The following CALCRL variants were observed in gnomAD, a reference collection of about 807,000 sequenced individuals.
CALCRL encodes the protein calcitonin receptor like receptor.
In CALCRL, 27 loss-of-function variants were observed where a neutral mutation model predicts 60.4. The observed-to-expected ratio is 0.45, with a 90% confidence interval of 0.33 to 0.62. The LOEUF (loss-of-function observed/expected upper bound fraction) is 0.62, where lower values mean the gene tolerates loss of function less well. Among genes scored for constraint, CALCRL ranks in the 20% least tolerant of loss-of-function variants. CALCRL has a pLI of 0.03. For missense variants in CALCRL, 424 were observed against 540.7 expected, an observed-to-expected ratio of 0.78 and a Z score of 2.14; for synonymous variants, 190 against 182.6, an observed-to-expected ratio of 1.04 and a Z score of -0.33.
chr2:187,365,848 G>A (rs1687253027), intron 8 of CALCRL, among the ~76,000 whole-genome samples: 1 of 152,194 alleles, frequency 6.6e-6, no homozygotes, highest in Non-Finnish European at 1.5e-5. Flanking sequence ...CTTTAAGTAA[G>A]TTGATTGCAT....
chr2:187,378,661 A>G (rs1675215103), intron 8 of CALCRL, among the ~76,000 whole-genome samples: 4 of 152,136 alleles, frequency 2.6e-5, no homozygotes, highest in Admixed American at 2.0e-4. Context: ...ACAGTTCCCA[A>G]AGCAAATACA....
chr2:187,373,031 A>G (rs1687599082), intron 8 of CALCRL, among the ~76,000 whole-genome samples: 1 of 152,182 alleles, frequency 6.6e-6, no homozygotes, highest in Non-Finnish European at 1.5e-5. Flanking sequence ...ATGGAGACAA[A>G]TAAGGCCAGA....
At chr2:187,433,196 T>A (rs767173994) in intron 1 of CALCRL, among the ~76,000 whole-genome samples, 4 of 152,078 alleles carry the variant, frequency 2.6e-5, no homozygotes, top group Non-Finnish European at 4.4e-5. Context: ...TGAAGTTTAT[T>A]TTGAGTATTT....
chr2:187,389,069 CTT>C (rs35822000), intron 1 of CALCRL, among the ~76,000 whole-genome samples: 9 of 140,132 alleles, frequency 6.4e-5, no homozygotes, highest in Non-Finnish European at 7.7e-5. Flanking sequence ...ACTTCTTCTT[CTT>C]TTTTTTTTTT....
At chr2:187,439,899 A>C (rs1690813904) in intron 1 of CALCRL, among the ~76,000 whole-genome samples, 1 of 152,218 alleles carries the variant, frequency 6.6e-6, no homozygotes, top group Non-Finnish European at 1.5e-5. Flanking sequence ...AGAGACATTT[A>C]AAGCTGGAAT....
chr2:187,416,561 A>G (rs1689619193), intron 1 of CALCRL, among the ~76,000 whole-genome samples: 1 of 152,134 alleles, frequency 6.6e-6, no homozygotes, highest in South Asian at 2.1e-4. Flanking sequence ...AAGACATTAA[A>G]AGGCCTTGTA....
intron 12 of CALCRL, among the ~76,000 whole-genome samples, chr2:187,357,983 C>G (rs1282330227): frequency 6.6e-6 from 1 of 151,982 alleles, no homozygotes; most frequent in African/African-American, 2.4e-5. Flanking sequence ...TAAAATACCA[C>G]TCCTAAGGAC....
intron 12 of CALCRL, among the ~76,000 whole-genome samples, chr2:187,357,371 G>T (rs1686841635): frequency 6.6e-6 from 1 of 151,700 alleles, no homozygotes; most frequent in African/African-American, 2.4e-5. Context: ...GATGAAGCTA[G>T]AAATGATCAT....
At chr2:187,382,269 T>G (rs1420995755) in intron 5 of CALCRL, among the ~76,000 whole-genome samples, 2 of 152,278 alleles carry the variant, frequency 1.3e-5, no homozygotes, top group South Asian at 2.1e-4. Context: ...TAGCTCTTTA[T>G]TGCAAGACTT....
At chr2:187,375,132 C>T (rs1401784084) in intron 8 of CALCRL, among the ~76,000 whole-genome samples, 1 of 151,224 alleles carries the variant, frequency 6.6e-6, no homozygotes, top group African/African-American at 2.4e-5. Flanking sequence ...ATTAGCCGGG[C>T]GCGGTGGCGG....
chr2:187,381,747 C>T (rs1014448060), intron 5 of CALCRL, among the ~76,000 whole-genome samples: 3 of 152,166 alleles, frequency 2.0e-5, no homozygotes, highest in African/African-American at 7.2e-5. Context: ...AGCCACCACA[C>T]CCGGCCCAAA....
intron 8 of CALCRL, among the ~76,000 whole-genome samples, chr2:187,376,775 G>A (rs1687773253): frequency 6.6e-6 from 1 of 152,054 alleles, no homozygotes; most frequent in African/African-American, 2.4e-5. Flanking sequence ...CACTGGTTTT[G>A]ACAGGCAAAT....
intron 8 of CALCRL, among the ~76,000 whole-genome samples, chr2:187,376,335 A>G (rs1200358280): frequency 6.6e-6 from 1 of 151,902 alleles, no homozygotes; most frequent in African/African-American, 2.4e-5. Flanking sequence ...GAAATCATAC[A>G]TTGTGCCTTA....
intron 1 of CALCRL, among the ~76,000 whole-genome samples, chr2:187,436,912 T>C (rs1690668891): frequency 6.6e-6 from 1 of 152,224 alleles, no homozygotes; most frequent in South Asian, 2.1e-4. Flanking sequence ...TCTCTTACTT[T>C]CAAATTTCAA....
At chr2:187,407,171 T>C (rs1689175260) in intron 1 of CALCRL, among the ~76,000 whole-genome samples, 3 of 152,084 alleles carry the variant, frequency 2.0e-5, no homozygotes, top group Admixed American at 1.3e-4. Flanking sequence ...TTTTTAATCA[T>C]TGGGATTCCC....
At chr2:187,435,519 T>C (rs900552907) in intron 1 of CALCRL, among the ~76,000 whole-genome samples, 5 of 152,104 alleles carry the variant, frequency 3.3e-5, no homozygotes, top group African/African-American at 1.2e-4. Flanking sequence ...AGGACAAACA[T>C]CCAAACTATA....
At chr2:187,441,748 C>T (rs543860997) in intron 1 of CALCRL, among the ~76,000 whole-genome samples, 1 of 151,692 alleles carries the variant, frequency 6.6e-6, no homozygotes, top group African/African-American at 2.4e-5. Context: ...AGAAAAAGAG[C>T]AATTTTAGCA....
At chr2:187,423,653 C>A (rs765304075) in intron 1 of CALCRL, among the ~76,000 whole-genome samples, 3 of 151,852 alleles carry the variant, frequency 2.0e-5, no homozygotes, top group Non-Finnish European at 4.4e-5. Flanking sequence ...ACCTATGTAT[C>A]CTGGAAACCT....
At chr2:187,384,989 T>A (rs1415570926) in intron 4 of CALCRL, among the ~76,000 whole-genome samples, 1 of 152,132 alleles carries the variant, frequency 6.6e-6, no homozygotes, top group African/African-American at 2.4e-5. Flanking sequence ...GGGCCCCATA[T>A]CCCCATTGTA....
Sources: allele counts gnomAD v4.1 joint callset (sites outside exome capture counted in the v4.1 genomes callset), GRCh38; gene constraint gnomAD v4.1.1; transcripts MANE v1.5; gene names NCBI Gene and HGNC (gene_info 2026-07-23, HGNC 2026-07-21).